HHAT: variants seen among roughly 807,000 people sequenced by gnomAD.
HHAT encodes the protein hedgehog acyltransferase.
A neutral mutation model predicts 70.8 loss-of-function variants in HHAT; 47 were observed. The observed-to-expected ratio is 0.66, with a 90% CI of 0.53 to 0.85. The LOEUF is 0.85. Ranked by LOEUF, HHAT falls within the 40% of genes least tolerant of loss-of-function variation. HHAT has a pLI of 0.00. For synonymous variants in HHAT, 228 were observed against 247.6 expected (o/e 0.92, Z 0.74); for missense variants, 609 against 604.8 (o/e 1.01, Z -0.07).
intron 11 of HHAT, among the ~76,000 whole-genome samples, chr1:210,668,975 A>G (rs180819267): frequency 1.6e-3 from 246 of 152,086 alleles, no homozygotes; most frequent in Non-Finnish European, 2.9e-3. Context: ...GGGTTTCACT[A>G]TGTTGACCAG....
chr1:210,414,326 A>G (rs2092652471), intron 6 of HHAT, among the ~76,000 whole-genome samples: 3 of 152,178 alleles, frequency 2.0e-5, no homozygotes, highest in Admixed American at 6.5e-5. Context: ...TAGGATTTCA[A>G]CATATGAATT....
chr1:210,449,571 C>T (rs1355796408), intron 7 of HHAT, among the ~76,000 whole-genome samples: 6 of 152,210 alleles, frequency 3.9e-5, no homozygotes, highest in Non-Finnish European at 5.9e-5. Context: ...TGAGCTGCTT[C>T]CCCTGAGTCC....
At chr1:210,673,861 T>A (rs549268214) in intron 11 of HHAT, among the ~76,000 whole-genome samples, 1 of 151,358 alleles carries the variant, frequency 6.6e-6, no homozygotes, top group Non-Finnish European at 1.5e-5. Flanking sequence ...TCTCCAACTC[T>A]TGGACTCAAG....
At chr1:210,394,229 C>CTTTTTTTTTTTTTTT (rs59554789) in intron 4 of HHAT, among the ~76,000 whole-genome samples, 3 of 116,286 alleles carry the variant, frequency 2.6e-5, no homozygotes, top group Admixed American at 9.1e-5. Context: ...CATGATCTAT[C>CTTTTTTTTTTTTTTT]TTTTTTTTTT....
At chr1:210,379,830 A>G (rs761171) in intron 3 of HHAT, among the ~76,000 whole-genome samples, 36,195 of 152,092 alleles carry the variant, frequency 0.24, 5,318 homozygotes, top group African/African-American at 0.42. Context: ...TCTTATAAAT[A>G]TGAAATGGGT....
chr1:210,494,540 A>G (rs1318134750), intron 8 of HHAT, among the ~76,000 whole-genome samples: 1 of 77,050 alleles, frequency 1.3e-5, no homozygotes, highest in Non-Finnish European at 2.5e-5. Context: ...AGTTTGAAAT[A>G]GCTTTTTTTT....
intron 9 of HHAT, among the ~76,000 whole-genome samples, chr1:210,586,571 A>C (rs1660495528): frequency 6.6e-6 from 1 of 152,228 alleles, no homozygotes; most frequent in Admixed American, 6.5e-5. Flanking sequence ...CAAATGCTAA[A>C]TTGTTTAAAA....
chr1:210,517,850 T>A (rs1439429282), intron 9 of HHAT, among the ~76,000 whole-genome samples: 1 of 152,228 alleles, frequency 6.6e-6, no homozygotes, highest in Non-Finnish European at 1.5e-5. Flanking sequence ...AAACGATGAA[T>A]GATACTTGTT....
At position 210,440,403 on chromosome 1, in the gene HHAT, G is replaced by C. The variant is rs553852785; in HGVS notation, c.856+22078G>C. Among the ~76,000 whole-genome samples, 8 of 151,812 alleles carry C rather than the reference G, an allele frequency of 5.3e-5. 1 individual carries two copies. The highest frequency in any genetic ancestry group is 1.9e-4 in the African/African-American group (8 of 41,122). On this transcript the variant is annotated intron_variant, in intron 7 of 11. Transcript: ENST00000261458. Reference sequence around the variant, plus strand: ...ATTCTTTGGAGTGGTCCCAAGCAGAGTGAGGAGGCTAAGCCTTTCTACCCC... The same window carrying C: ...ATTCTTTGGAGTGGTCCCAAGCAGACTGAGGAGGCTAAGCCTTTCTACCCC...
At chr1:210,589,574 G>A (rs1331106293) in intron 10 of HHAT, 1 of 152,220 alleles carries the variant, frequency 6.6e-6, no homozygotes, top group East Asian at 1.9e-4. Flanking sequence ...CTGTAGCCCT[G>A]CAACACATTT....
chr1:210,596,278 G>A (rs1029655097), intron 10 of HHAT, among the ~76,000 whole-genome samples: 3 of 152,256 alleles, frequency 2.0e-5, no homozygotes, highest in Non-Finnish European at 2.9e-5. Flanking sequence ...GACTTTGGGA[G>A]TTTGGTTATC....
At chr1:210,390,138 A>G (rs900504037) in intron 4 of HHAT, among the ~76,000 whole-genome samples, 2 of 152,194 alleles carry the variant, frequency 1.3e-5, no homozygotes, top group Non-Finnish European at 2.9e-5. Context: ...GGATTCTCAA[A>G]AAAGATGAAG....
Position 210,674,271 on chromosome 1 carries a change from C to G in HHAT, c.1391-17C>G, listed in dbSNP as rs767001701. ...AGCATTTCTAACTGCTCTTCCATCT[C>G]TGTCCTCCCTCTGCAGGCTGGCCTT... On this transcript the variant is annotated splice_polypyrimidine_tract_variant and intron_variant, in intron 11 of 11. Coordinates refer to ENST00000261458, the MANE Select transcript of HHAT (RefSeq NM_018194.6). 1 of 1,601,618 alleles carries G rather than the reference C, an allele frequency of 6.2e-7. No homozygotes were observed. Among genetic ancestry groups the G allele is most frequent in the Non-Finnish European group, 8.6e-7 (1 of 1,168,670 alleles).
intron 7 of HHAT, among the ~76,000 whole-genome samples, chr1:210,439,181 A>G (rs1380450427): frequency 6.6e-6 from 1 of 151,848 alleles, no homozygotes; most frequent in African/African-American, 2.4e-5. Flanking sequence ...CACATTTCTG[A>G]GACGCTTGTG....
intron 9 of HHAT, among the ~76,000 whole-genome samples, chr1:210,548,296 C>G (rs1038916473): frequency 6.6e-6 from 1 of 152,086 alleles, no homozygotes; most frequent in African/African-American, 2.4e-5. Flanking sequence ...TGGACAAGGC[C>G]CAGTGCTTTA....
chr1:210,415,342 C>T (rs1269813885), intron 6 of HHAT, among the ~76,000 whole-genome samples: 5 of 152,286 alleles, frequency 3.3e-5, no homozygotes, highest in African/African-American at 9.6e-5. Context: ...TAGGGTCTCT[C>T]AGAGCATGCA....
At chr1:210,521,021 G>A (rs2095149036) in intron 9 of HHAT, among the ~76,000 whole-genome samples, 1 of 152,180 alleles carries the variant, frequency 6.6e-6, no homozygotes, top group South Asian at 2.1e-4. Flanking sequence ...CCTCTGGCAT[G>A]GCCCTGAAGC....
At chr1:210,504,050 G>A (rs973122226) in intron 8 of HHAT, among the ~76,000 whole-genome samples, 4 of 152,156 alleles carry the variant, frequency 2.6e-5, no homozygotes, top group Middle Eastern at 3.2e-3. Flanking sequence ...AAACTTTTGT[G>A]CTTCAAAGAC....
intron 8 of HHAT, among the ~76,000 whole-genome samples, chr1:210,484,976 G>A (rs1185991131): frequency 6.6e-6 from 1 of 151,974 alleles, no homozygotes; most frequent in Non-Finnish European, 1.5e-5. Context: ...CATAAATTTG[G>A]GGTCATTGCT....
Sources: gnomAD v4.1 joint callset for allele counts (sites outside exome capture counted in the v4.1 genomes callset) on GRCh38, gnomAD v4.1.1 for gene constraint, MANE v1.5 for transcripts, NCBI Gene and HGNC (gene_info 2026-07-23, HGNC 2026-07-21) for gene names.